The following NEDD4L variants were observed in gnomAD, a reference collection of about 807,000 sequenced individuals.
NEDD4L encodes NEDD4 like E3 ubiquitin protein ligase.
A neutral mutation model predicts 148.9 loss-of-function variants in NEDD4L; 54 were observed. The observed-to-expected ratio is 0.36, with a 90% CI of 0.29 to 0.45. The LOEUF (loss-of-function observed/expected upper bound fraction) is 0.45, where lower values mean the gene tolerates loss of function less well. NEDD4L is among the 20% of genes least tolerant of loss of function. The pLI is 1.00. For synonymous variants in NEDD4L, 433 were observed against 440.7 expected (o/e 0.98, Z 0.22); for missense variants, 856 against 1,233.8 (o/e 0.69, Z 4.59).
rs1280036712 is a variant in NEDD4L at position 58,346,632 on chromosome 18, AT to A, written c.1576-2901del. On this transcript the variant is annotated intron_variant, in intron 16 of 30. Coordinates refer to ENST00000400345, the MANE Select transcript of NEDD4L (RefSeq NM_001144967.3). Reference sequence around the variant, plus strand: ...TTTTTTTAATCCCTGTGTTTTATATATTTTGAATTAGGAAAGCCCTTTTTAA... The same window carrying A: ...TTTTTTTAATCCCTGTGTTTTATATATTTGAATTAGGAAAGCCCTTTTTAA... Among the ~76,000 whole-genome samples, 17 of 152,246 alleles carry A rather than the reference AT, an allele frequency of 1.1e-4. No individual in the cohort carries two copies. In the Middle Eastern group the frequency reaches 0.01, roughly 91 times the overall value.
chr18:58,288,985 A>G (rs374281906), intron 5 of NEDD4L, among the ~76,000 whole-genome samples: 17 of 152,360 alleles, frequency 1.1e-4, no homozygotes, highest in African/African-American at 4.1e-4. Context: ...AAATGTAGTT[A>G]TCATGTTCAG....
intron 2 of NEDD4L, among the ~76,000 whole-genome samples, chr18:58,167,593 G>A (rs1454457543): frequency 6.6e-6 from 1 of 152,126 alleles, no homozygotes; most frequent in Non-Finnish European, 1.5e-5. Flanking sequence ...TTTTGCAGAT[G>A]CATTACCTGG....
intron 1 of NEDD4L, chr18:58,047,643 G>GTAACC (rs1200445981): frequency 2.7e-6 from 1 of 371,084 alleles, no homozygotes; most frequent in Non-Finnish European, 3.7e-6. Context: ...GTCACTTTAG[G>GTAACC]TAGCCAGATT....
intron 2 of NEDD4L, among the ~76,000 whole-genome samples, chr18:58,183,611 T>C (rs2039094987): frequency 6.6e-6 from 1 of 152,118 alleles, no homozygotes; most frequent in South Asian, 2.1e-4. Context: ...TCTTACCGAG[T>C]TGATTGAGTA....
intron 9 of NEDD4L, among the ~76,000 whole-genome samples, chr18:58,326,945 AG>A: frequency 6.6e-6 from 1 of 152,218 alleles, no homozygotes; most frequent in Middle Eastern, 3.4e-3. Flanking sequence ...ACTCATCAAG[AG>A]GTGTACGTTA....
At chr18:58,384,738 G>A (rs1267771495) in intron 25 of NEDD4L, among the ~76,000 whole-genome samples, 1 of 152,186 alleles carries the variant, frequency 6.6e-6, no homozygotes, top group African/African-American at 2.4e-5. Flanking sequence ...TGTAGCCCAG[G>A]AGGTGCCACC....
chr18:58,286,967 T>C (rs570830079), intron 5 of NEDD4L, among the ~76,000 whole-genome samples: 2 of 152,324 alleles, frequency 1.3e-5, no homozygotes, highest in South Asian at 4.1e-4. Context: ...TGACCATAAT[T>C]ATATAACTTT....
intron 1 of NEDD4L, among the ~76,000 whole-genome samples, chr18:58,082,544 G>A (rs1568190301): frequency 6.6e-6 from 1 of 151,638 alleles, no homozygotes; most frequent in Non-Finnish European, 1.5e-5. Flanking sequence ...GGCTGAGGCA[G>A]GTGGATCACC....
chr18:58,333,279 A>T lies in NEDD4L; in HGVS notation c.991-539A>T, dbSNP rs1051611843. Among the ~76,000 whole-genome samples, 14 of 120,910 alleles carry T rather than the reference A, an allele frequency of 1.2e-4. No individual in the cohort carries two copies. In the South Asian group the frequency reaches 1.2e-3, roughly 11 times the overall value. The allele number at this position is 120,910 out of a possible 152,430, so 79.3% of individuals were successfully genotyped here. A position where few individuals can be genotyped will look rare whatever the true frequency, so the allele number is the denominator to read the frequency against. On this transcript the variant is annotated intron_variant, in intron 11 of 30. Transcript: ENST00000400345. ...AGCAATAGAACAAGACTCTATATTT[A>T]AAAAAAAAAAAAAAAAGCAGCTAAA... is the stretch of plus-strand genomic sequence containing the variant.
chr18:58,095,224 A>G (rs371324155), intron 1 of NEDD4L, among the ~76,000 whole-genome samples: 64 of 152,324 alleles, frequency 4.2e-4, no homozygotes, highest in African/African-American at 1.4e-3. Flanking sequence ...TTATTGAGCT[A>G]CACACTGTGC....
intron 1 of NEDD4L, among the ~76,000 whole-genome samples, chr18:58,091,942 G>T (rs1448941876): frequency 1.3e-5 from 2 of 152,226 alleles, no homozygotes; most frequent in African/African-American, 4.8e-5. Flanking sequence ...GAACTGTGTT[G>T]CTTCCCCACT....
chr18:58,077,553 CT>C (rs1406636477), intron 1 of NEDD4L, among the ~76,000 whole-genome samples: 4 of 152,090 alleles, frequency 2.6e-5, no homozygotes, highest in African/African-American at 9.7e-5. Flanking sequence ...GTTTCTGGAT[CT>C]TTTCCAGGGA....
chr18:58,200,318 T>C (rs1373752183), intron 2 of NEDD4L, among the ~76,000 whole-genome samples: 1 of 152,206 alleles, frequency 6.6e-6, no homozygotes, highest in Non-Finnish European at 1.5e-5. Flanking sequence ...TAACAGAAAA[T>C]GTAGGTGCCA....
At chr18:58,072,699 G>A (rs1485959587) in intron 1 of NEDD4L, among the ~76,000 whole-genome samples, 1 of 152,140 alleles carries the variant, frequency 6.6e-6, no homozygotes, top group Admixed American at 6.5e-5. Context: ...CCACTTCTAT[G>A]TAGCATTGTA....
intron 1 of NEDD4L, among the ~76,000 whole-genome samples, chr18:58,054,282 A>G (rs1441421469): frequency 6.6e-6 from 1 of 152,250 alleles, no homozygotes; most frequent in Non-Finnish European, 1.5e-5. Context: ...GAGAACCTGA[A>G]GAATGGGACT....
At chr18:58,302,188 G>A (rs1268049194) in intron 5 of NEDD4L, among the ~76,000 whole-genome samples, 1 of 152,116 alleles carries the variant, frequency 6.6e-6, no homozygotes, top group Non-Finnish European at 1.5e-5. Flanking sequence ...GGCCTCTTCA[G>A]TGTATCATGT....
chr18:58,238,499 TAGAGAG>T (rs1314142933), intron 2 of NEDD4L, among the ~76,000 whole-genome samples: 3 of 152,306 alleles, frequency 2.0e-5, no homozygotes, highest in African/African-American at 7.2e-5. Context: ...AAACATCATA[TAGAGAG>T]AATGACTATT....
At chr18:58,355,050 G>A (rs1299434848) in intron 18 of NEDD4L, among the ~76,000 whole-genome samples, 2 of 152,174 alleles carry the variant, frequency 1.3e-5, no homozygotes, top group Non-Finnish European at 2.9e-5. Context: ...GTGGGGACTC[G>A]GGCTCAAGCC....
intron 16 of NEDD4L, among the ~76,000 whole-genome samples, chr18:58,349,304 A>T (rs965870053): frequency 6.6e-5 from 10 of 152,036 alleles, no homozygotes; most frequent in African/African-American, 2.4e-4. Context: ...TTAACCTTTC[A>T]TGTAAATATT....
Sources: gnomAD v4.1 joint callset for allele counts (sites outside exome capture counted in the v4.1 genomes callset) on GRCh38, gnomAD v4.1.1 for gene constraint, MANE v1.5 for transcripts, NCBI Gene and HGNC (gene_info 2026-07-23, HGNC 2026-07-21) for gene names.